Variants in TTC38 observed in about 807,000 individuals in gnomAD.
TTC38 encodes the protein tetratricopeptide repeat protein 38.
A neutral mutation model predicts 64.2 loss-of-function variants in TTC38; 64 were observed. That is an observed-to-expected ratio of 1.00 (90% CI 0.81 to 1.23). TTC38 has a LOEUF of 1.23. Ranked by LOEUF, TTC38 falls within the 50% of genes most tolerant of loss-of-function variation. The pLI, the probability that TTC38 is intolerant of heterozygous loss-of-function variation, is 0.00. For synonymous variants in TTC38, 254 were observed against 249.3 expected, an observed-to-expected ratio of 1.02 and a Z score of -0.18; for missense variants, 573 against 615.5, an observed-to-expected ratio of 0.93 and a Z score of 0.73.
In TTC38 at chr22:46,273,794, G is replaced by A. The variant is rs1479903768; in HGVS notation, c.194-104G>A. 1 of 1,156,618 alleles carries A rather than the reference G, an allele frequency of 8.6e-7. No homozygotes were observed. Among genetic ancestry groups the A allele is most frequent in the Non-Finnish European group, 1.2e-6 (1 of 808,562 alleles). The allele number at this position is 1,156,618 out of a possible 1,614,324, so 71.6% of individuals were successfully genotyped here. The stretch of plus-strand genomic sequence containing the variant: ...TGCCCAGCCTGCTGCTGCCTGGCTG[G>A]CCCCTCCTGGGACGTGGGGTGTCTC... On this transcript the variant is annotated intron_variant, in intron 3 of 13. Coordinates refer to ENST00000381031, the MANE Select transcript of TTC38 (RefSeq NM_017931.4). This position sits in a 1 kb window ranked among gnomAD's most constrained non-coding sequence, Gnocchi z 5.1.
At position 46,282,257 on chromosome 22, in the gene TTC38, T is replaced by C. The variant is rs2077540573; in HGVS notation, c.735+539T>C. 7.3e-6 allele frequency: 2 copies of C among 273,218 alleles called. No homozygotes were observed. Among genetic ancestry groups the C allele is most frequent in the Admixed American group, 4.8e-5 (1 of 20,974 alleles). 16.9% of individuals were successfully genotyped at this position (273,218 alleles called of 1,614,324 possible). The stretch of plus-strand genomic sequence containing the variant: ...GCCTGTGAGGGAGAGGAGAGCTGCT[T>C]ACTTTGGTGTCCTAGAGCCCAGGTA... On this transcript the variant is annotated intron_variant, in intron 7 of 13. Coordinates refer to ENST00000381031, the MANE Select transcript of TTC38 (RefSeq NM_017931.4). The surrounding 1 kb of genome is among the most constrained non-coding windows in gnomAD (Gnocchi z 4.4).
chr22:46,281,270 C>A lies in TTC38; in HGVS notation c.616-329C>A, dbSNP rs1352351296. ...AGAGGGCGGGTATGTTTTGCAAGCA[C>A]CTCAGCTGTATGCAGAATGCTGTGG... On this transcript the variant is annotated intron_variant, in intron 6 of 13. Coordinates refer to ENST00000381031, the MANE Select transcript of TTC38 (RefSeq NM_017931.4). The surrounding 1 kb of genome is among the most constrained non-coding windows in gnomAD (Gnocchi z 5.2). Among the ~76,000 whole-genome samples the A allele has an allele frequency of 6.6e-6, 1 of 152,252 alleles. No individual in the cohort carries two copies. The highest frequency in any genetic ancestry group is 1.5e-5 in the Non-Finnish European group (1 of 68,050).
Position 46,292,516 on chromosome 22 carries a change from G to GT in TTC38, c.1317-274dup, listed in dbSNP as rs1175992971. On this transcript the variant is annotated intron_variant, in intron 13 of 13. Transcript: ENST00000381031. This position sits in a 1 kb window ranked among gnomAD's most constrained non-coding sequence, Gnocchi z 6.5. ...CACAGCAGGGTCTTTACCTCAAACC[G>GT]TACCTGGGTCTTCTCTCTTCAAACC... Among the ~76,000 whole-genome samples the GT allele has an allele frequency of 6.6e-6, 1 of 152,168 alleles. No homozygotes were observed. The highest frequency in any genetic ancestry group is 2.4e-5 in the African/African-American group (1 of 41,428).
chr22:46,268,485 C>T (rs768240492), intron 1 of TTC38, 29 bp from the exon 2 acceptor site: 29 of 1,606,466 alleles, frequency 1.8e-5, no homozygotes, highest in Non-Finnish European at 2.4e-5. Context: ...GGAGAGAAGG[C>T]ACTGCTATTC....
At chr22:46,277,036 T>TACACAC (rs1284342595) in intron 5 of TTC38, among the ~76,000 whole-genome samples, 2 of 78,198 alleles carry the variant, frequency 2.6e-5, no homozygotes, top group African/African-American at 1.2e-4. Context: ...AAACAATACA[T>TACACAC]ATATATACAT....
At chr22:46,290,561 G>GTTAGGGCA (rs776706099) in intron 13 of TTC38, among the ~76,000 whole-genome samples, 1 of 145,840 alleles carries the variant, frequency 6.9e-6, no homozygotes, top group Non-Finnish European at 1.5e-5. Context: ...TTAGGAGGGT[G>GTTAGGGCA]GTGTGGCTGG....
rs1936903102 is a variant in TTC38, at chr22:46,271,838, T to G, written c.112-497T>G. ...AACCTGCCTTTTGATGTTTCTTTTT[T>G]GGAAATGCAGCATCCCTAGCCCTAG... On this transcript the variant is annotated intron_variant, in intron 2 of 13. Transcript: ENST00000381031. This position sits in a 1 kb window ranked among gnomAD's most constrained non-coding sequence, Gnocchi z 5.5. Among the ~76,000 whole-genome samples, 1 of 152,202 alleles carries G rather than the reference T, an allele frequency of 6.6e-6. No individual in the cohort carries two copies.
chr22:46,268,130 C>T, intron 1 of TTC38, 58 bp downstream of exon 1: 1 of 1,505,718 alleles, frequency 6.6e-7, no homozygotes, highest in African/African-American at 1.4e-5. Flanking sequence ...TGGGGGTGGC[C>T]CGGTGCTGGC....
Position 46,281,494 on chromosome 22 carries a change from C to A in TTC38, c.616-105C>A. The A allele has an allele frequency of 7.3e-7, 1 of 1,370,990 alleles. No individual in the cohort carries two copies. The highest frequency in any genetic ancestry group is 1.0e-6 in the Non-Finnish European group (1 of 992,504). 84.9% of individuals were successfully genotyped at this position (1,370,990 alleles called of 1,614,324 possible). On this transcript the variant is annotated intron_variant, in intron 6 of 13. Coordinates refer to ENST00000381031, the MANE Select transcript of TTC38 (RefSeq NM_017931.4). The surrounding 1 kb of genome is among the most constrained non-coding windows in gnomAD (Gnocchi z 5.2). ...CCCCGCCCCCCCACTTGCTCCACCC[C>A]GTTCAGCCCAGGCCCCTCTTGCCCC...
chr22:46,284,143 G>C, intron 8 of TTC38, 111 bp downstream of exon 8: 1 of 875,158 alleles, frequency 1.1e-6, no homozygotes, highest in Non-Finnish European at 1.8e-6. Context: ...TGATGCAATG[G>C]AGCATTAACA....
rs1207749215 is a variant in TTC38, at chr22:46,272,671, G to A, written c.193+255G>A. ...TAATTACCATCAATTCGGGAATGAA[G>A]ATGCTGATCTCATTTCTCAGATGAG... is the stretch of plus-strand genomic sequence containing the variant. On this transcript the variant is annotated intron_variant, in intron 3 of 13. Transcript: ENST00000381031. This position sits in a 1 kb window ranked among gnomAD's most constrained non-coding sequence, Gnocchi z 6.4. Among the ~76,000 whole-genome samples the A allele has an allele frequency of 1.3e-5, 2 of 152,206 alleles. No homozygotes were observed. The highest frequency in any genetic ancestry group is 4.8e-5 in the African/African-American group (2 of 41,448).
At chr22:46,286,423 T>C (rs1228293722) in intron 9 of TTC38, among the ~76,000 whole-genome samples, 2 of 151,988 alleles carry the variant, frequency 1.3e-5, no homozygotes, top group Non-Finnish European at 2.9e-5. Flanking sequence ...CATTTTGGGA[T>C]GCTGAGACAG....
intron 10 of TTC38, among the ~76,000 whole-genome samples, chr22:46,287,960 G>A (rs1313186844): frequency 2.0e-5 from 3 of 152,190 alleles, no homozygotes; most frequent in Non-Finnish European, 4.4e-5. Context: ...GGGCAGGCTT[G>A]ATGTGGTCAG....
At position 46,275,498 on chromosome 22, in the gene TTC38, T is replaced by C. The variant is rs1936989714; in HGVS notation, c.539+77T>C. Reference sequence around the variant, plus strand: ...TGCCCTAAAAATATGGTGACTCTCTTGGCCCTGTCCTAAAAATAATGGGAC... The same window carrying C: ...TGCCCTAAAAATATGGTGACTCTCTCGGCCCTGTCCTAAAAATAATGGGAC... On this transcript the variant is annotated intron_variant, in intron 5 of 13. Coordinates refer to ENST00000381031, the MANE Select transcript of TTC38 (RefSeq NM_017931.4). This position sits in a 1 kb window ranked among gnomAD's most constrained non-coding sequence, Gnocchi z 4.5. 3 of 1,433,666 alleles carry C rather than the reference T, an allele frequency of 2.1e-6. No individual in the cohort carries two copies. The highest frequency in any genetic ancestry group is 2.6e-5 in the South Asian group (2 of 75,706). The allele number at this position is 1,433,666 out of a possible 1,614,324, so 88.8% of individuals were successfully genotyped here.
chr22:46,275,333 G>C lies in TTC38; in HGVS notation c.451G>C (p.Ala151Pro), dbSNP rs1936985052. Residue 151 changes from alanine to proline, a missense_variant, in exon 5 of 14, where the codon GCT becomes CCT. Ala to Pro is a conservative substitution (Grantham distance 27). Around this residue, in one of 3 missense-constraint regions of TTC38, gnomAD observed 68 missense variants for 107.3 expected, o/e 0.63. Transcript: ENST00000381031. This position sits in a 1 kb window ranked among gnomAD's most constrained non-coding sequence, Gnocchi z 4.5. ...GTTGGCCCTGAAATTTTCCCATGAT[G>C]CTTATTTTTACCTGGGCTATCAGGA... ...DMLALKFSHD[A>P]YFYLGYQEQM... 1 of 1,614,126 alleles carries C rather than the reference G, an allele frequency of 6.2e-7. No individual in the cohort carries two copies. The highest frequency in any genetic ancestry group is 1.3e-5 in the African/African-American group (1 of 75,034).
At chr22:46,268,795 G>C (rs543036106) in intron 2 of TTC38, 5 of 520,146 alleles carry the variant, frequency 9.6e-6, no homozygotes, top group African/African-American at 1.9e-5. Flanking sequence ...CGCCATTCTC[G>C]TCCCTCAGCC....
chr22:46,272,485 C>A lies in TTC38; in HGVS notation c.193+69C>A. On this transcript the variant is annotated intron_variant, in intron 3 of 13. Transcript: ENST00000381031. This position sits in a 1 kb window ranked among gnomAD's most constrained non-coding sequence, Gnocchi z 6.4. ...TCCAGCCCCTCTCTTTCCTTTACCA[C>A]AGGGACACAGTTGGGATGGGGAAGG... The A allele has an allele frequency of 1.5e-6, 2 of 1,358,112 alleles. No homozygotes were observed. Among genetic ancestry groups the A allele is most frequent in the Non-Finnish European group, 1.0e-6 (1 of 953,270 alleles). 84.1% of individuals were successfully genotyped at this position (1,358,112 alleles called of 1,614,324 possible).
chr22:46,288,305 C>G, intron 10 of TTC38, 118 bp from the exon 11 acceptor site: 1 of 1,072,370 alleles, frequency 9.3e-7, no homozygotes, highest in South Asian at 1.6e-5. Flanking sequence ...CCTCCCCGGC[C>G]TCTCACCTGG....
rs769318051 is a variant in TTC38 at position 46,273,915 on chromosome 22, G to T, written c.211G>T (p.Ala71Ser). ...DPTFVMGHAM[A>S]TGLVLIGTGS... ...CCCACCAGTGATGGGCCACGCCATG[G>T]CTACTGGCCTTGTGCTGATTGGCAC... The change falls in exon 4 of 14, where the codon GCT becomes TCT. Residue 71 changes from alanine (A) to serine (S), a missense_variant. Physicochemically the swap from Ala to Ser is moderately conservative, Grantham distance 99. Around this residue, in one of 3 missense-constraint regions of TTC38, gnomAD observed 134 missense variants for 126.5 expected, o/e 1.06. Coordinates refer to ENST00000381031, the MANE Select transcript of TTC38 (RefSeq NM_017931.4). This position sits in a 1 kb window ranked among gnomAD's most constrained non-coding sequence, Gnocchi z 5.1. The T allele has an allele frequency of 1.2e-6, 2 of 1,614,120 alleles. No individual in the cohort carries two copies. The highest frequency in any genetic ancestry group is 1.7e-6 in the Non-Finnish European group (2 of 1,180,048).
Sources: allele counts gnomAD v4.1 joint callset (sites outside exome capture counted in the v4.1 genomes callset), GRCh38; gene constraint gnomAD v4.1.1; regional missense constraint gnomAD v4.1.1; non-coding constraint Gnocchi (gnomAD v3.1); transcripts MANE v1.5; gene names NCBI Gene and HGNC (gene_info 2026-07-23, HGNC 2026-07-21).